ASTN2: variants seen among roughly 807,000 people sequenced by gnomAD.
ASTN2 encodes astrotactin-2.
In ASTN2, 54 loss-of-function variants were observed where a neutral mutation model predicts 139.8. The ratio of observed to expected loss-of-function variants is 0.39; its 90% CI spans 0.31 to 0.48. The LOEUF is 0.48. ASTN2 is among the 20% of genes least tolerant of loss of function. The pLI, the probability that ASTN2 is intolerant of heterozygous loss-of-function variation, is 0.95. For missense variants in ASTN2, 1,565 were observed against 1,725.1 expected (o/e 0.91, Z 1.64); for synonymous variants, 756 against 719.5 (o/e 1.05, Z -0.81).
Position 116,830,051 on chromosome 9 carries a change from C to CAGAATTGG in ASTN2, c.2041-9269_2041-9268insCCAATTCT, listed in dbSNP as rs556019791. Among the ~76,000 whole-genome samples the CAGAATTGG allele has an allele frequency of 3.3e-5, 5 of 152,316 alleles. No individual in the cohort carries two copies. The East Asian group carries it at 9.7e-4, about 29-fold the overall frequency. ...ATCAACAGAGTAAACAGACAACCTA[C>CAGAATTGG]AGAATGGGAGAAAATATTCACAGAT... On this transcript the variant is annotated intron_variant, in intron 11 of 22. Coordinates refer to ENST00000313400, the MANE Select transcript of ASTN2 (RefSeq NM_001365068.1).
rs375052334 is a variant in ASTN2, at chr9:116,428,266, C to T, written c.3783-2178G>A. On this transcript the variant is annotated intron_variant, in intron 22 of 22. Transcript: ENST00000313400. ...GGTGGCCGGGCACGGCGGCTCATGC[C>T]TGTAATCCCAGCACTTTAGGAGGCC... Among the ~76,000 whole-genome samples, 3 of 152,186 alleles carry T rather than the reference C, an allele frequency of 2.0e-5. No homozygotes were observed. In the East Asian group the frequency reaches 5.8e-4, roughly 29 times the overall value.
chr9:116,745,072 C>T (rs1304771716), intron 13 of ASTN2, among the ~76,000 whole-genome samples: 1 of 152,176 alleles, frequency 6.6e-6, no homozygotes, highest in African/African-American at 2.4e-5. Flanking sequence ...TATCCAGTGG[C>T]CCATACCCAT....
At chr9:116,987,067 A>G (rs955645851) in intron 7 of ASTN2, among the ~76,000 whole-genome samples, 24 of 152,190 alleles carry the variant, frequency 1.6e-4, no homozygotes, top group Non-Finnish European at 2.8e-4. Flanking sequence ...CCTTATCTAC[A>G]AGATGAGTTC....
At position 116,584,866 on chromosome 9, in the gene ASTN2, TAAAGAG is replaced by T. The variant is rs1343224699; in HGVS notation, c.3355+33452_3355+33457del. ...CATGTTCAAGGGCATACAAAAATGT[TAAAGAG>T]AAAGCAAGACTAGATGATCTCTTAA... On this transcript the variant is annotated intron_variant, in intron 19 of 22. Transcript: ENST00000313400. The T allele has an allele frequency of 2.0e-5, 3 of 152,330 alleles. 1 individual carries two copies. The highest frequency in any genetic ancestry group is 4.4e-5 in the Non-Finnish European group (3 of 68,044). 9.4% of individuals were successfully genotyped at this position (152,330 alleles called of 1,614,324 possible).
At chr9:117,376,311 C>A (rs1339066647) in intron 1 of ASTN2, among the ~76,000 whole-genome samples, 2 of 152,166 alleles carry the variant, frequency 1.3e-5, no homozygotes, top group African/African-American at 4.8e-5. Flanking sequence ...TGAACCCAAA[C>A]TAGTACAATA....
intron 13 of ASTN2, among the ~76,000 whole-genome samples, chr9:116,793,229 C>A (rs1830603245): frequency 6.6e-6 from 1 of 152,120 alleles, no homozygotes; most frequent in African/African-American, 2.4e-5. Flanking sequence ...GACATATATA[C>A]ATAAAATTGT....
Position 117,355,489 on chromosome 9 carries a change from A to AGTG in ASTN2, c.442+59007_442+59008insCAC, listed in dbSNP as rs750065227. ...AAGGGCAATGGAGTGCAGAGAGAGG[A>AGTG]CATGGCTCGCCACATGTAATGTACT... On this transcript the variant is annotated intron_variant, in intron 1 of 22. Transcript: ENST00000313400. Among the ~76,000 whole-genome samples, 56 of 152,158 alleles carry AGTG rather than the reference A, an allele frequency of 3.7e-4. 1 individual carries two copies. Among genetic ancestry groups the AGTG allele is most frequent in the Non-Finnish European group, 7.1e-4 (48 of 68,034 alleles).
chr9:116,761,492 C>T (rs556033401), intron 13 of ASTN2, among the ~76,000 whole-genome samples: 8 of 152,180 alleles, frequency 5.3e-5, no homozygotes, highest in South Asian at 4.2e-4. Context: ...GAGGAGTTGG[C>T]GGACTCCTGA....
intron 12 of ASTN2, among the ~76,000 whole-genome samples, chr9:116,811,511 G>A (rs1163258838): frequency 6.6e-6 from 1 of 152,068 alleles, no homozygotes; most frequent in Admixed American, 6.6e-5. Flanking sequence ...TTCTATGTTG[G>A]TAAATTTTTG....
chr9:116,555,608 G>A (rs528016284), intron 19 of ASTN2, among the ~76,000 whole-genome samples: 3 of 148,706 alleles, frequency 2.0e-5, no homozygotes, highest in South Asian at 2.2e-4. Context: ...GAAAGCTATT[G>A]GATAGTGCTC....
At chr9:116,441,905 G>A (rs1353561378) in intron 21 of ASTN2, among the ~76,000 whole-genome samples, 1 of 152,214 alleles carries the variant, frequency 6.6e-6, no homozygotes, top group East Asian at 1.9e-4. Flanking sequence ...CATGAACCAG[G>A]AGCAGCAAAA....
rs10579284 is a variant in ASTN2, at chr9:117,242,004, CTTTTTTTTTTT to C, written c.631-27273_631-27263del. ...ACAGTGAAAACTTTCTTTGGCAAGT[CTTTTTTTTTTT>C]TTTTTTTTTTTTTTTTTTTAGCTGA... is the stretch of plus-strand genomic sequence containing the variant. On this transcript the variant is annotated intron_variant, in intron 2 of 22. Coordinates refer to ENST00000313400, the MANE Select transcript of ASTN2 (RefSeq NM_001365068.1). 7.3e-4 allele frequency among the ~76,000 whole-genome samples: 31 copies of C among 42,500 alleles called. 1 individual carries two copies. Among genetic ancestry groups the C allele is most frequent in the African/African-American group, 2.8e-3 (31 of 11,170 alleles). The allele number at this position is 42,500 out of a possible 152,430, so 27.9% of individuals were successfully genotyped here.
At chr9:116,514,836 C>A (rs1850571312) in intron 19 of ASTN2, among the ~76,000 whole-genome samples, 1 of 152,184 alleles carries the variant, frequency 6.6e-6, no homozygotes, top group Non-Finnish European at 1.5e-5. Context: ...TTTGCTAAGA[C>A]CATTGGAAAA....
chr9:116,602,401 T>C (rs1243160692), intron 19 of ASTN2, among the ~76,000 whole-genome samples: 1 of 152,096 alleles, frequency 6.6e-6, no homozygotes, highest in East Asian at 1.9e-4. Flanking sequence ...AGGAGAGATA[T>C]AAAATATAGG....
chr9:117,064,986 A>G (rs1355424186), intron 5 of ASTN2, among the ~76,000 whole-genome samples: 1 of 152,098 alleles, frequency 6.6e-6, no homozygotes, highest in South Asian at 2.1e-4. Context: ...TTGCAGATGC[A>G]TTTAAGTTCA....
intron 10 of ASTN2, among the ~76,000 whole-genome samples, chr9:116,907,788 G>A (rs1834202989): frequency 6.6e-6 from 1 of 152,162 alleles, no homozygotes; most frequent in Admixed American, 6.5e-5. Flanking sequence ...ACAGAAGGCG[G>A]GAGGTAAGGT....
chr9:117,291,207 T>C, intron 2 of ASTN2, 119 bp downstream of exon 2: 3 of 1,301,240 alleles, frequency 2.3e-6, no homozygotes, highest in Non-Finnish European at 3.2e-6. Flanking sequence ...TTTCTCATTC[T>C]AACCTCTTGA....
At chr9:117,117,996 T>G (rs1429480097) in intron 4 of ASTN2, among the ~76,000 whole-genome samples, 1 of 151,872 alleles carries the variant, frequency 6.6e-6, no homozygotes. Context: ...AATAAATAAA[T>G]CCTGACCTCT....
chr9:117,000,258 T>C (rs1837157474), intron 7 of ASTN2, among the ~76,000 whole-genome samples: 1 of 152,232 alleles, frequency 6.6e-6, no homozygotes, highest in African/African-American at 2.4e-5. Context: ...GGCTTGAATA[T>C]GTTAAATGAC....
Sources: gnomAD v4.1 joint callset for allele counts (sites outside exome capture counted in the v4.1 genomes callset) on GRCh38, gnomAD v4.1.1 for gene constraint, MANE v1.5 for transcripts, NCBI Gene and HGNC (gene_info 2026-07-23, HGNC 2026-07-21) for gene names.